Variants in MACROD1 observed in about 807,000 individuals in gnomAD.
MACROD1 encodes ADP-ribose glycohydrolase MACROD1.
Under a neutral mutation model 41.4 loss-of-function variants are expected in MACROD1, and 31 were observed. The observed-to-expected ratio is 0.75, with a 90% confidence interval of 0.56 to 1.01. The LOEUF (loss-of-function observed/expected upper bound fraction) is 1.01. Ranked by LOEUF, MACROD1 falls within the 50% of genes least tolerant of loss-of-function variation. The pLI, the probability that MACROD1 is intolerant of heterozygous loss-of-function variation, is 0.00. For missense variants in MACROD1, 473 were observed against 460.0 expected, an observed-to-expected ratio of 1.03 and a Z score of -0.26; for synonymous variants, 252 against 203.4, an observed-to-expected ratio of 1.24 and a Z score of -2.03.
At chr11:64,056,580 G>A (rs552609060) in intron 3 of MACROD1, among the ~76,000 whole-genome samples, 43 of 152,314 alleles carry the variant, frequency 2.8e-4, no homozygotes, top group Admixed American at 1.9e-3. Flanking sequence ...CAAAGGCTGC[G>A]GCCAGGGTGG....
intron 3 of MACROD1, among the ~76,000 whole-genome samples, chr11:64,038,100 T>A (rs1943417311): frequency 6.6e-6 from 1 of 152,032 alleles, no homozygotes; most frequent in Admixed American, 6.5e-5. Context: ...CTGTGTCCCC[T>A]CCTCCCCATC....
chr11:64,138,646 T>A (rs1945365570), intron 3 of MACROD1: 3 of 717,576 alleles, frequency 4.2e-6, no homozygotes, highest in Non-Finnish European at 5.1e-6. Context: ...GCCGCTCGGC[T>A]CTGGTTTTTA....
chr11:64,077,108 C>A (rs552997421), intron 3 of MACROD1, among the ~76,000 whole-genome samples: 39 of 152,302 alleles, frequency 2.6e-4, no homozygotes, highest in Non-Finnish European at 4.7e-4. Flanking sequence ...GTGCCCTCCA[C>A]CTCAGTCCAG....
At chr11:64,054,721 C>G (rs1401158931) in intron 3 of MACROD1, among the ~76,000 whole-genome samples, 1 of 152,134 alleles carries the variant, frequency 6.6e-6, no homozygotes, top group Non-Finnish European at 1.5e-5. Flanking sequence ...CCCAAATCAA[C>G]AAACTTCCTT....
intron 1 of MACROD1, among the ~76,000 whole-genome samples, chr11:64,162,279 G>A (rs112491598): frequency 0.023 from 3,541 of 152,266 alleles, 146 homozygotes; most frequent in African/African-American, 0.081. Context: ...AGGAGGTTGA[G>A]GAAGCAGTGA....
intron 3 of MACROD1, among the ~76,000 whole-genome samples, chr11:64,027,451 A>G (rs1323875893): frequency 6.6e-6 from 1 of 152,168 alleles, no homozygotes; most frequent in Admixed American, 6.5e-5. Flanking sequence ...CCATGGGACC[A>G]AAGAGAAGAC....
In MACROD1 at chr11:64,064,772, G is replaced by A. The variant is rs138464900; in HGVS notation, c.518-49491C>T. 1.3e-5 allele frequency among the ~76,000 whole-genome samples: 2 copies of A among 151,886 alleles called. No individual in the cohort carries two copies. The highest frequency in any genetic ancestry group is 2.1e-4 in the South Asian group (1 of 4,792). On this transcript the variant is annotated intron_variant, in intron 3 of 10. Coordinates refer to ENST00000255681, the MANE Select transcript of MACROD1 (RefSeq NM_014067.4). The surrounding 1 kb of genome is among the most constrained non-coding windows in gnomAD (Gnocchi z 4.5). ...GGCCTGGACCCACCATCCAGCAAAG[G>A]CTGACAGAACAGAGGCTGCCAACTA...
chr11:64,038,061 T>A (rs1369491502), intron 3 of MACROD1, among the ~76,000 whole-genome samples: 1 of 152,104 alleles, frequency 6.6e-6, no homozygotes, highest in African/African-American at 2.4e-5. Flanking sequence ...CTGGACTTCA[T>A]CCTCACGCTG....
chr11:64,014,335 G>A (rs1590801153), intron 4 of MACROD1, among the ~76,000 whole-genome samples: 1 of 152,196 alleles, frequency 6.6e-6, no homozygotes, highest in African/African-American at 2.4e-5. Flanking sequence ...GGGGAGGAGG[G>A]AAAACATCTC....
chr11:64,159,971 G>T (rs1565266044), intron 1 of MACROD1, among the ~76,000 whole-genome samples: 1 of 152,188 alleles, frequency 6.6e-6, no homozygotes, highest in African/African-American at 2.4e-5. Context: ...ATGAGCGTCA[G>T]CCTGGAGGTA....
At chr11:64,127,452 C>T (rs1323712791) in intron 3 of MACROD1, among the ~76,000 whole-genome samples, 2 of 152,136 alleles carry the variant, frequency 1.3e-5, no homozygotes, top group Non-Finnish European at 2.9e-5. Flanking sequence ...CAGCCCACCC[C>T]TCCCCGGGCC....
At chr11:64,069,754 A>G (rs1273818494) in intron 3 of MACROD1, among the ~76,000 whole-genome samples, 1 of 152,184 alleles carries the variant, frequency 6.6e-6, no homozygotes, top group East Asian at 1.9e-4. Flanking sequence ...TGTCACCTAA[A>G]TGCTTCGCCA....
intron 3 of MACROD1, among the ~76,000 whole-genome samples, chr11:64,051,171 A>G (rs566584092): frequency 1.9e-3 from 293 of 152,334 alleles, no homozygotes; most frequent in African/African-American, 6.4e-3. Flanking sequence ...CCACCTTACT[A>G]GGCCTCAGTT....
At chr11:64,032,028 C>G (rs1467627467) in intron 3 of MACROD1, among the ~76,000 whole-genome samples, 1 of 152,320 alleles carries the variant, frequency 6.6e-6, no homozygotes, top group East Asian at 1.9e-4. Context: ...GTGCCAACCC[C>G]TGACCACTGC....
intron 3 of MACROD1, among the ~76,000 whole-genome samples, chr11:64,132,482 A>G (rs902737073): frequency 7.9e-5 from 12 of 152,006 alleles, no homozygotes; most frequent in Non-Finnish European, 1.6e-4. Flanking sequence ...TAAAGCAGAG[A>G]TTACAAACCC....
intron 4 of MACROD1, among the ~76,000 whole-genome samples, chr11:64,005,645 G>A (rs901693834): frequency 2.0e-5 from 3 of 152,252 alleles, no homozygotes; most frequent in African/African-American, 7.2e-5. Flanking sequence ...CCTCTGAAAT[G>A]AGCTTTTGGG....
At chr11:64,150,922 C>T (rs985987726) in intron 3 of MACROD1, among the ~76,000 whole-genome samples, 2 of 152,190 alleles carry the variant, frequency 1.3e-5, no homozygotes, top group Non-Finnish European at 2.9e-5. Flanking sequence ...GCTTCTGTGG[C>T]CCCCCAAGGT....
intron 1 of MACROD1, among the ~76,000 whole-genome samples, chr11:64,162,892 G>A (rs1435959378): frequency 6.6e-6 from 1 of 152,050 alleles, no homozygotes; most frequent in South Asian, 2.1e-4. Flanking sequence ...AGGCCGAGAC[G>A]GGCAGATCAC....
chr11:64,046,132 AG>A (rs1489740974), intron 3 of MACROD1, among the ~76,000 whole-genome samples: 1 of 152,196 alleles, frequency 6.6e-6, no homozygotes, highest in Non-Finnish European at 1.5e-5. Flanking sequence ...CGGCAGGGGT[AG>A]GATGGGAACC....
Sources: allele counts gnomAD v4.1 joint callset (sites outside exome capture counted in the v4.1 genomes callset), GRCh38; gene constraint gnomAD v4.1.1; non-coding constraint Gnocchi (gnomAD v3.1); transcripts MANE v1.5; gene names NCBI Gene and HGNC (gene_info 2026-07-23, HGNC 2026-07-21).